The following IL7 variants were observed in gnomAD, a reference collection of about 807,000 sequenced individuals.
The protein encoded by IL7 is interleukin-7.
IL7 carries 3 observed loss-of-function variants against 21.6 expected under a neutral mutation model. The ratio of observed to expected loss-of-function variants is 0.14; its 90% CI spans 0.06 to 0.36. The LOEUF (loss-of-function observed/expected upper bound fraction) is 0.36, where lower values mean the gene tolerates loss of function less well. IL7 is among the 10% of genes least tolerant of loss of function. The probability of loss-of-function intolerance (pLI) is 1.00; values close to 1 mark genes in which losing one functional copy is unlikely to be tolerated. For synonymous variants in IL7, 62 were observed against 68.1 expected, an observed-to-expected ratio of 0.91 and a Z score of 0.44; for missense variants, 175 against 200.2, an observed-to-expected ratio of 0.87 and a Z score of 0.76.
At chr8:78,777,564 T>C (rs1813172112) in intron 2 of IL7, among the ~76,000 whole-genome samples, 1 of 152,058 alleles carries the variant, frequency 6.6e-6, no homozygotes. Flanking sequence ...TATTTGCTTG[T>C]TCCTAATGCA....
rs112237410 is a variant in IL7, at chr8:78,698,576, T to C, written n.215-12629A>G. ...ATTAAACGATACTAAGGTTTTGTTATGTTTTGATAATTGCTTTTTCATTCA... is the reference window on the plus strand; with the variant it reads ...ATTAAACGATACTAAGGTTTTGTTACGTTTTGATAATTGCTTTTTCATTCA... On this transcript the variant is annotated intron_variant and non_coding_transcript_variant, in intron 3 of 4. Coordinates refer to the IL7 transcript ENST00000523959. 28 of 1,235,472 alleles carry C rather than the reference T, an allele frequency of 2.3e-5. 1 individual carries two copies. The African/African-American group carries it at 3.1e-4, about 14-fold the overall frequency. 76.5% of individuals were successfully genotyped at this position (1,235,472 alleles called of 1,614,324 possible). A position where few individuals can be genotyped will look rare whatever the true frequency, so the allele number is the denominator to read the frequency against.
At chr8:78,778,217 C>T (rs1371181671) in intron 2 of IL7, among the ~76,000 whole-genome samples, 1 of 152,108 alleles carries the variant, frequency 6.6e-6, no homozygotes, top group African/African-American at 2.4e-5. Context: ...CAATCTTTAA[C>T]AGCCATTTCA....
At chr8:78,802,993 G>T (rs574500090) in intron 1 of IL7, among the ~76,000 whole-genome samples, 2 of 152,036 alleles carry the variant, frequency 1.3e-5, no homozygotes, top group African/African-American at 4.8e-5. Flanking sequence ...GTTACAGTAG[G>T]TTATGTGTCA....
intron 2 of IL7, among the ~76,000 whole-genome samples, chr8:78,765,939 G>A (rs1030553103): frequency 6.6e-6 from 1 of 152,120 alleles, no homozygotes; most frequent in African/African-American, 2.4e-5. Flanking sequence ...CCTTCAGTAG[G>A]TGAATGAATA....
At chr8:78,736,428 G>GA in intron 5 of IL7, 46 bp downstream of exon 5, 1 of 1,212,228 alleles carries the variant, frequency 8.2e-7, no homozygotes, top group Non-Finnish European at 1.2e-6. Flanking sequence ...ATTAAGTTGA[G>GA]TAAAAACCTG....
At chr8:78,714,836 C>G (rs1452714158), downstream of IL7, among the ~76,000 whole-genome samples, 1 of 152,014 alleles carries the variant, frequency 6.6e-6, no homozygotes, top group Non-Finnish European at 1.5e-5. Context: ...ATCGTATATG[C>G]CTAGAATAAT....
rs181982651 is a variant in IL7, at chr8:78,712,647, G to A, written n.214+8701C>T. 1.3e-3 allele frequency among the ~76,000 whole-genome samples: 203 copies of A among 152,240 alleles called. 1 individual carries two copies. The highest frequency in any genetic ancestry group is 1.9e-3 in the Non-Finnish European group (130 of 68,022). On this transcript the variant is annotated intron_variant and non_coding_transcript_variant, in intron 3 of 4. Coordinates refer to the IL7 transcript ENST00000523959. The stretch of plus-strand genomic sequence containing the variant: ...ATGACACTGCCAAAGAGTCAAGCTC[G>A]AGGAAGAGTATGACACAGCCAGTTC...
intron 4 of IL7, among the ~76,000 whole-genome samples, chr8:78,678,123 A>G (rs1230268930): frequency 1.3e-5 from 2 of 152,038 alleles, no homozygotes; most frequent in South Asian, 2.1e-4. Context: ...TTTATTAGAA[A>G]GGTCTTTATG....
intron 2 of IL7, among the ~76,000 whole-genome samples, chr8:78,755,959 G>A (rs1178367732): frequency 6.6e-6 from 1 of 151,968 alleles, no homozygotes; most frequent in African/African-American, 2.4e-5. Flanking sequence ...GATGATAGCT[G>A]TGGGTTAATA....
At chr8:78,699,366 A>G (rs1226083639) in intron 3 of IL7, among the ~76,000 whole-genome samples, 1 of 152,178 alleles carries the variant, frequency 6.6e-6, no homozygotes, top group Non-Finnish European at 1.5e-5. Flanking sequence ...TCAGAAAATT[A>G]AGGGATTACC....
intron 3 of IL7, chr8:78,712,130 G>T: frequency 8.0e-7 from 1 of 1,245,780 alleles, no homozygotes; most frequent in Non-Finnish European, 1.0e-6. Flanking sequence ...ACTCAGTTTG[G>T]TTAATATTTT....
intron 3 of IL7, chr8:78,698,377 T>G: frequency 1.3e-6 from 2 of 1,525,818 alleles, no homozygotes; most frequent in Non-Finnish European, 1.8e-6. Flanking sequence ...TAACCTTTTT[T>G]AGAGTATTGT....
chr8:78,681,901 C>CTTTTTTTTTTTTTTT (rs56181953), intron 4 of IL7, among the ~76,000 whole-genome samples: 1 of 126,470 alleles, frequency 7.9e-6, no homozygotes. Context: ...CTTTTTCTTT[C>CTTTTTTTTTTTTTTT]TTTTTTTTTT....
At chr8:78,684,617 G>A (rs560933797) in intron 4 of IL7, among the ~76,000 whole-genome samples, 5 of 152,230 alleles carry the variant, frequency 3.3e-5, no homozygotes, top group African/African-American at 7.2e-5. Flanking sequence ...TGGAAAACCC[G>A]AGAATTAAGT....
chr8:78,732,641 TC>T (rs1811448242), downstream of IL7: 1 of 152,140 alleles, frequency 6.6e-6, no homozygotes, highest in African/African-American at 2.4e-5. Flanking sequence ...AGGTAATGTC[TC>T]ATATTCATTG....
At chr8:78,736,584 G>T in intron 4 of IL7, 57 bp from the exon 5 acceptor site, 1 of 1,058,592 alleles carries the variant, frequency 9.4e-7, no homozygotes, top group Non-Finnish European at 1.4e-6. Context: ...TCCTCCAGTT[G>T]TTTGTAATTG....
At chr8:78,724,669 C>G (rs984529454) in intron 3 of IL7, among the ~76,000 whole-genome samples, 1 of 151,972 alleles carries the variant, frequency 6.6e-6, no homozygotes, top group Admixed American at 6.6e-5. Flanking sequence ...ATAGGTTTTT[C>G]CATATGTCTT....
At chr8:78,689,475 C>T in intron 3 of IL7, 4 of 1,111,874 alleles carry the variant, frequency 3.6e-6, no homozygotes, top group Non-Finnish European at 4.8e-6. Context: ...ATTTTTCTCA[C>T]CTGCTTTTAT....
At chr8:78,736,915 T>C (rs1216704145) in intron 4 of IL7, among the ~76,000 whole-genome samples, 1 of 152,112 alleles carries the variant, frequency 6.6e-6, no homozygotes, top group Non-Finnish European at 1.5e-5. Flanking sequence ...AAGCTTCACT[T>C]ATCAGAAACA....
Sources: gnomAD v4.1 joint callset for allele counts (sites outside exome capture counted in the v4.1 genomes callset) on GRCh38, gnomAD v4.1.1 for gene constraint, MANE v1.5 for transcripts, NCBI Gene and HGNC (gene_info 2026-07-23, HGNC 2026-07-21) for gene names.